CNTN1: variants seen among roughly 807,000 people sequenced by gnomAD.
CNTN1 encodes the protein contactin-1.
In CNTN1, 38 loss-of-function variants were observed where a neutral mutation model predicts 126.4. The observed-to-expected ratio is 0.30, with a 90% CI of 0.23 to 0.39. The LOEUF (loss-of-function observed/expected upper bound fraction) is 0.39, where lower values mean the gene tolerates loss of function less well. Ranked by LOEUF, CNTN1 falls within the 10% of genes least tolerant of loss-of-function variation. The pLI, the probability that CNTN1 is intolerant of heterozygous loss-of-function variation, is 1.00. For missense variants in CNTN1, 1,009 were observed against 1,248.4 expected, an observed-to-expected ratio of 0.81 and a Z score of 2.89; for synonymous variants, 413 against 422.6, an observed-to-expected ratio of 0.98 and a Z score of 0.28.
At chr12:40,855,845 G>C (rs1451396287) in intron 1 of CNTN1, among the ~76,000 whole-genome samples, 1 of 152,050 alleles carries the variant, frequency 6.6e-6, no homozygotes, top group African/African-American at 2.4e-5. Flanking sequence ...TTGATCTATT[G>C]TCAAAAATTA....
chr12:41,009,109 G>C (rs1241073946), intron 17 of CNTN1, among the ~76,000 whole-genome samples: 1 of 152,176 alleles, frequency 6.6e-6, no homozygotes, highest in Admixed American at 6.5e-5. Context: ...ATTTTCTAGG[G>C]GAGTTTCCCT....
chr12:40,947,826 C>T lies in CNTN1; in HGVS notation c.1683+3656C>T, dbSNP rs1020213786. On this transcript the variant is annotated intron_variant, in intron 14 of 23. Coordinates refer to ENST00000551295, the MANE Select transcript of CNTN1 (RefSeq NM_001843.4). ...ACACACACACACACACACACACACA[C>T]ACATATGTATTACTCTTATTACAAA... Among the ~76,000 whole-genome samples, 22 of 118,320 alleles carry T rather than the reference C, an allele frequency of 1.9e-4. 1 individual carries two copies. Among genetic ancestry groups the T allele is most frequent in the South Asian group, 2.7e-4 (1 of 3,664 alleles). 77.6% of individuals were successfully genotyped at this position (118,320 alleles called of 152,430 possible).
chr12:40,775,448 C>A (rs1240877296), intron 1 of CNTN1, among the ~76,000 whole-genome samples: 1 of 150,918 alleles, frequency 6.6e-6, no homozygotes, highest in Non-Finnish European at 1.5e-5. Context: ...TATTTTTTTC[C>A]ATTATATTTT....
intron 1 of CNTN1, among the ~76,000 whole-genome samples, chr12:40,816,086 A>T (rs1326076141): frequency 1.3e-5 from 2 of 152,174 alleles, no homozygotes; most frequent in Non-Finnish European, 2.9e-5. Flanking sequence ...ATTGATGTTC[A>T]TCAGGGATAC....
chr12:41,014,802 G>A (rs144474257), intron 18 of CNTN1, among the ~76,000 whole-genome samples: 21 of 152,210 alleles, frequency 1.4e-4, no homozygotes, highest in African/African-American at 3.9e-4. Context: ...TTACAGTTTC[G>A]TGAGTCAAAG....
rs79623562 is a variant in CNTN1, at chr12:40,805,051, A to G, written c.-76-103306A>G. Among the ~76,000 whole-genome samples the G allele has an allele frequency of 2.6e-5, 4 of 152,198 alleles. No individual in the cohort carries two copies. The East Asian group carries it at 7.7e-4, about 29-fold the overall frequency. ...TAATGTTTGTTCCTTGGTGCACAAT[A>G]CAATTTTCCATATTCTCACTGCCTT... On this transcript the variant is annotated intron_variant, in intron 1 of 23. Coordinates refer to ENST00000551295, the MANE Select transcript of CNTN1 (RefSeq NM_001843.4).
At position 40,762,809 on chromosome 12, in the gene CNTN1, A is replaced by AAAT. The variant is rs374393614; in HGVS notation, c.-77+70230_-77+70232dup. On this transcript the variant is annotated intron_variant, in intron 1 of 23. Transcript: ENST00000551295. ...ATAGTGGCTAAGACAGGAATTGAGT[A>AAAT]AATAATAATAATAATGAAAGCATGT... Among the ~76,000 whole-genome samples the AAAT allele has an allele frequency of 5.2e-3, 787 of 152,266 alleles. 5 individuals are homozygous for AAAT. Among genetic ancestry groups the AAAT allele is most frequent in the African/African-American group, 0.018 (750 of 41,542 alleles).
intron 19 of CNTN1, among the ~76,000 whole-genome samples, chr12:41,017,554 A>G (rs1354554522): frequency 6.6e-6 from 1 of 152,034 alleles, no homozygotes; most frequent in African/African-American, 2.4e-5. Context: ...TATGAAAAAG[A>G]GGTCAGTTGA....
At chr12:41,035,499 C>A (rs1949239052) in intron 23 of CNTN1, among the ~76,000 whole-genome samples, 1 of 152,116 alleles carries the variant, frequency 6.6e-6, no homozygotes, top group South Asian at 2.1e-4. Flanking sequence ...TAATTGCAAA[C>A]CCTCCTGAAG....
intron 1 of CNTN1, among the ~76,000 whole-genome samples, chr12:40,751,418 C>CT (rs1938401741): frequency 6.6e-6 from 1 of 152,030 alleles, no homozygotes; most frequent in African/African-American, 2.4e-5. Context: ...ACAAAAATTT[C>CT]TATCCTCAAA....
At chr12:40,989,917 A>G (rs184982001) in intron 16 of CNTN1, among the ~76,000 whole-genome samples, 2 of 152,168 alleles carry the variant, frequency 1.3e-5, no homozygotes, top group East Asian at 3.9e-4. Flanking sequence ...TTAGCTCAAG[A>G]TAAGAGCTGG....
intron 1 of CNTN1, among the ~76,000 whole-genome samples, chr12:40,747,593 T>C (rs954205445): frequency 6.6e-6 from 1 of 152,008 alleles, no homozygotes; most frequent in Admixed American, 6.6e-5. Flanking sequence ...TGTTACCTAA[T>C]ACTATTTGCA....
intron 1 of CNTN1, among the ~76,000 whole-genome samples, chr12:40,767,530 G>A (rs1395371696): frequency 6.6e-6 from 1 of 151,874 alleles, no homozygotes; most frequent in South Asian, 2.1e-4. Context: ...GGATGATCTC[G>A]ATCTCCTGAC....
At chr12:41,053,468 T>TATATATATATA (rs60201950) in intron 23 of CNTN1, among the ~76,000 whole-genome samples, 591 of 130,484 alleles carry the variant, frequency 4.5e-3, no homozygotes, top group African/African-American at 6.6e-3. Context: ...TATATATATA[T>TATATATATATA]TTGCCAATAA....
At chr12:40,948,920 C>T (rs552502428) in intron 14 of CNTN1, among the ~76,000 whole-genome samples, 88 of 152,284 alleles carry the variant, frequency 5.8e-4, no homozygotes, top group Non-Finnish European at 1.1e-3. Flanking sequence ...CCTAATGATC[C>T]CCTGTAGACA....
intron 1 of CNTN1, among the ~76,000 whole-genome samples, chr12:40,737,591 C>A (rs1314684212): frequency 1.3e-5 from 2 of 151,564 alleles, no homozygotes; most frequent in African/African-American, 4.8e-5. Flanking sequence ...GCTTTATATT[C>A]GCCGGCAGCT....
At chr12:41,065,905 C>T (rs1402400729) in intron 23 of CNTN1, among the ~76,000 whole-genome samples, 2 of 152,232 alleles carry the variant, frequency 1.3e-5, no homozygotes, top group African/African-American at 4.8e-5. Context: ...TCACTCTAAT[C>T]ATAGGGATGT....
chr12:40,844,069 A>ATTTTTTTTTTTTTTTTTTTTGTTTTTTT (rs397957366), intron 1 of CNTN1, among the ~76,000 whole-genome samples: 1 of 84,684 alleles, frequency 1.2e-5, no homozygotes, highest in Non-Finnish European at 2.3e-5. Flanking sequence ...TGGCACAATG[A>ATTTTTTTTTTTTTTTTTTTTGTTTTTTT]TTTTTTTTTT....
At chr12:40,887,783 G>A (rs186921125) in intron 1 of CNTN1, among the ~76,000 whole-genome samples, 6 of 152,168 alleles carry the variant, frequency 3.9e-5, no homozygotes, top group African/African-American at 1.4e-4. Flanking sequence ...AACAACGATA[G>A]ACTGGATTAA....
Sources: gnomAD v4.1 joint callset for allele counts (sites outside exome capture counted in the v4.1 genomes callset) on GRCh38, gnomAD v4.1.1 for gene constraint, MANE v1.5 for transcripts, NCBI Gene and HGNC (gene_info 2026-07-23, HGNC 2026-07-21) for gene names.